The following FSIP1 variants were observed in gnomAD, a reference collection of about 807,000 sequenced individuals.
The protein encoded by FSIP1 is fibrous sheath-interacting protein 1.
A neutral mutation model predicts 60.9 loss-of-function variants in FSIP1; 65 were observed. That is an observed-to-expected ratio of 1.07 (90% confidence interval 0.87 to 1.31). The LOEUF is 1.31. Ranked by LOEUF, FSIP1 falls within the 40% of genes most tolerant of loss-of-function variation. The pLI is 0.00. For missense variants in FSIP1, 675 were observed against 665.5 expected, an observed-to-expected ratio of 1.01 and a Z score of -0.16; for synonymous variants, 209 against 221.2, an observed-to-expected ratio of 0.94 and a Z score of 0.49.
intron 10 of FSIP1, among the ~76,000 whole-genome samples, chr15:39,676,029 C>T (rs989971385): frequency 1.3e-5 from 2 of 150,336 alleles, no homozygotes; most frequent in Non-Finnish European, 3.0e-5. Flanking sequence ...AAAAAATAGC[C>T]GTGCGTGGCA....
intron 10 of FSIP1, among the ~76,000 whole-genome samples, chr15:39,659,626 T>A (rs1433486373): frequency 7.5e-6 from 1 of 133,780 alleles, no homozygotes; most frequent in Non-Finnish European, 1.6e-5. Flanking sequence ...AGCTGTTATT[T>A]TAAAAAAAAA....
At chr15:39,610,733 G>A (rs1890999286) in intron 11 of FSIP1, among the ~76,000 whole-genome samples, 1 of 152,056 alleles carries the variant, frequency 6.6e-6, no homozygotes, top group Admixed American at 6.6e-5. Context: ...AAGAGATCAG[G>A]AATGTATAAT....
chr15:39,666,226 C>T (rs1025946363), intron 10 of FSIP1, among the ~76,000 whole-genome samples: 4 of 152,008 alleles, frequency 2.6e-5, no homozygotes, highest in Non-Finnish European at 4.4e-5. Flanking sequence ...TCTAGCCAGC[C>T]GAGTTTCTGG....
intron 10 of FSIP1, among the ~76,000 whole-genome samples, chr15:39,670,544 C>G (rs151027075): frequency 6.6e-6 from 1 of 152,064 alleles, no homozygotes; most frequent in Non-Finnish European, 1.5e-5. Flanking sequence ...TGCAGTGGTG[C>G]GATCATAGCT....
intron 11 of FSIP1, among the ~76,000 whole-genome samples, chr15:39,617,349 A>G (rs1595535414): frequency 6.6e-6 from 1 of 152,248 alleles, no homozygotes; most frequent in East Asian, 1.9e-4. Flanking sequence ...ATGAGTTACA[A>G]GTTTTACATT....
chr15:39,724,470 T>A (rs545541151), intron 9 of FSIP1, among the ~76,000 whole-genome samples: 7 of 122,416 alleles, frequency 5.7e-5, no homozygotes, highest in Non-Finnish European at 1.1e-4. Context: ...GCCAAGATGG[T>A]CTCGATCTCC....
chr15:39,612,213 C>A (rs1891062089), intron 11 of FSIP1, among the ~76,000 whole-genome samples: 2 of 152,264 alleles, frequency 1.3e-5, no homozygotes, highest in Non-Finnish European at 2.9e-5. Flanking sequence ...AATACACATT[C>A]TTCTCAAGCA....
intron 10 of FSIP1, among the ~76,000 whole-genome samples, chr15:39,647,135 G>C (rs1892651145): frequency 6.6e-6 from 1 of 152,156 alleles, no homozygotes; most frequent in Admixed American, 6.5e-5. Context: ...TACATAAAAG[G>C]ATACAAAGTT....
rs548143305 is a variant in FSIP1 at position 39,644,888 on chromosome 15, T to C, written c.1189-26643A>G. Among the ~76,000 whole-genome samples the C allele has an allele frequency of 2.1e-3, 321 of 152,388 alleles. 2 individuals are homozygous for C. Among genetic ancestry groups the C allele is most frequent in the Non-Finnish European group, 3.6e-3 (248 of 68,038 alleles). On this transcript the variant is annotated intron_variant, in intron 10 of 11. Transcript: ENST00000350221. ...AAATTGCTGATGTAAAATGGTATCA[T>C]TCCATTTCTCATCCACATATAAGTG...
At chr15:39,697,031 T>C (rs1471196675) in intron 10 of FSIP1, among the ~76,000 whole-genome samples, 4 of 152,120 alleles carry the variant, frequency 2.6e-5, no homozygotes, top group Non-Finnish European at 5.9e-5. Context: ...ATTTTTCTTT[T>C]CTTCTTTATA....
At position 39,623,422 on chromosome 15, in the gene FSIP1, T is replaced by A. The variant is rs536186871; in HGVS notation, c.1189-5177A>T. Among the ~76,000 whole-genome samples the A allele has an allele frequency of 2.6e-5, 4 of 152,164 alleles. No homozygotes were observed. The South Asian group carries it at 8.3e-4, about 31-fold the overall frequency. The stretch of plus-strand genomic sequence containing the variant: ...CCACCCTATGAAACCAATACCATTA[T>A]CACAAGTGAGAAAAGGGTGGAAAGC... On this transcript the variant is annotated intron_variant, in intron 10 of 11. Transcript: ENST00000350221.
At chr15:39,676,697 G>A (rs1035412659) in intron 10 of FSIP1, among the ~76,000 whole-genome samples, 1 of 152,146 alleles carries the variant, frequency 6.6e-6, no homozygotes, top group Non-Finnish European at 1.5e-5. Context: ...TACATATATA[G>A]AGATGTAGCC....
At chr15:39,616,359 GT>G (rs1193883704) in intron 11 of FSIP1, among the ~76,000 whole-genome samples, 1 of 152,158 alleles carries the variant, frequency 6.6e-6, no homozygotes, top group Non-Finnish European at 1.5e-5. Context: ...TAGAGTCTCT[GT>G]TTTTAAAAAT....
chr15:39,749,836 A>G (rs1897113534), intron 5 of FSIP1, among the ~76,000 whole-genome samples: 2 of 152,078 alleles, frequency 1.3e-5, no homozygotes. Context: ...AAAAGAAATA[A>G]TAGGCATCCA....
intron 10 of FSIP1, among the ~76,000 whole-genome samples, chr15:39,664,818 C>T (rs1320404035): frequency 6.6e-6 from 1 of 152,150 alleles, no homozygotes; most frequent in Non-Finnish European, 1.5e-5. Context: ...TTCCTCAAAG[C>T]ACAAAAGACC....
intron 10 of FSIP1, among the ~76,000 whole-genome samples, chr15:39,693,591 T>C (rs1211761385): frequency 3.3e-5 from 5 of 152,232 alleles, no homozygotes; most frequent in Admixed American, 3.3e-4. Flanking sequence ...ACTATATTAC[T>C]ACCTTTCTCA....
intron 2 of FSIP1, among the ~76,000 whole-genome samples, chr15:39,773,487 TCTC>T (rs1897954982): frequency 6.6e-6 from 1 of 152,232 alleles, no homozygotes. Flanking sequence ...TCACTGATAT[TCTC>T]CTTTTAATAA....
intron 10 of FSIP1, among the ~76,000 whole-genome samples, chr15:39,706,101 A>G (rs1191920850): frequency 6.6e-6 from 1 of 151,994 alleles, no homozygotes; most frequent in African/African-American, 2.4e-5. Context: ...TTAATATTAT[A>G]TAAGTTGCTT....
chr15:39,778,348 CAGCT>C (rs1898133084), intron 1 of FSIP1, among the ~76,000 whole-genome samples: 1 of 152,206 alleles, frequency 6.6e-6, no homozygotes. Flanking sequence ...TGACCTGGAT[CAGCT>C]AAAGAGCTCC....
Sources: gnomAD v4.1 joint callset for allele counts (sites outside exome capture counted in the v4.1 genomes callset) on GRCh38, gnomAD v4.1.1 for gene constraint, MANE v1.5 for transcripts, NCBI Gene and HGNC (gene_info 2026-07-23, HGNC 2026-07-21) for gene names.